ATP8A2: variants seen among roughly 807,000 people sequenced by gnomAD.
ATP8A2 encodes the protein phospholipid-transporting ATPase IB.
Under a neutral mutation model 165.6 loss-of-function variants are expected in ATP8A2, and 100 were observed. That is an observed-to-expected ratio of 0.60 (90% CI 0.51 to 0.71). The LOEUF (loss-of-function observed/expected upper bound fraction) is 0.71, where lower values mean the gene tolerates loss of function less well. ATP8A2 is among the 30% of genes least tolerant of loss of function. The pLI is 0.00. For synonymous variants in ATP8A2, 543 were observed against 548.8 expected (o/e 0.99, Z 0.15); for missense variants, 1,227 against 1,479.5 (o/e 0.83, Z 2.80).
intron 1 of ATP8A2, among the ~76,000 whole-genome samples, chr13:25,413,190 A>G (rs1418905512): frequency 6.6e-6 from 1 of 152,034 alleles, no homozygotes; most frequent in East Asian, 1.9e-4. Context: ...TTGGTGCAGT[A>G]CTGCAATAGA....
At chr13:25,707,332 A>G (rs1212498528) in intron 25 of ATP8A2, among the ~76,000 whole-genome samples, 4 of 152,190 alleles carry the variant, frequency 2.6e-5, no homozygotes, top group Non-Finnish European at 4.4e-5. Flanking sequence ...ATTTATATGA[A>G]TTACTCTATA....
intron 1 of ATP8A2, among the ~76,000 whole-genome samples, chr13:25,451,296 G>A (rs998601026): frequency 7.9e-5 from 12 of 152,068 alleles, no homozygotes; most frequent in African/African-American, 2.4e-5. Flanking sequence ...CAGCAAGACT[G>A]CAAGGTTTTT....
At position 25,571,705 on chromosome 13, in the gene ATP8A2, C is replaced by T. The variant is rs199833574; in HGVS notation, c.1662+13C>T. The T allele has an allele frequency of 2.2e-4, 358 of 1,607,028 alleles. 1 individual carries two copies. The highest frequency in any genetic ancestry group is 2.8e-4 in the Non-Finnish European group (331 of 1,173,692). On this transcript the variant is annotated intron_variant, in intron 18 of 36. Coordinates refer to ENST00000381655, the MANE Select transcript of ATP8A2 (RefSeq NM_016529.6). Reference sequence around the variant, plus strand: ...CATCATAGAAGCGGTGAGTAACATGCGTGTGCACATTTCAGATCACCTGCT... The same window carrying T: ...CATCATAGAAGCGGTGAGTAACATGTGTGTGCACATTTCAGATCACCTGCT...
rs1327036948 is a variant in ATP8A2 at position 25,989,810 on chromosome 13, A to C, written c.3377+21131A>C. Among the ~76,000 whole-genome samples the C allele has an allele frequency of 2.6e-5, 4 of 151,966 alleles. No individual in the cohort carries two copies. In the East Asian group the frequency reaches 7.7e-4, roughly 29 times the overall value. ...TTCCTTCAACGTGGCCATTGTTCTC[A>C]TGCTTCCCGGAAGGGTGAACTTTGG... is the stretch of plus-strand genomic sequence containing the variant. On this transcript the variant is annotated intron_variant, in intron 35 of 36. Coordinates refer to ENST00000381655, the MANE Select transcript of ATP8A2 (RefSeq NM_016529.6).
At chr13:25,421,945 AT>A (rs2034312664) in intron 1 of ATP8A2, among the ~76,000 whole-genome samples, 1 of 152,036 alleles carries the variant, frequency 6.6e-6, no homozygotes, top group South Asian at 2.1e-4. Context: ...ATTCATCAGC[AT>A]TTTTCCATAT....
chr13:25,579,655 C>A (rs1037277406), intron 21 of ATP8A2, among the ~76,000 whole-genome samples, 153 bp from the exon 22 acceptor site: 2 of 152,096 alleles, frequency 1.3e-5, no homozygotes, highest in Non-Finnish European at 2.9e-5. Context: ...TTTTAAAGGT[C>A]CCTTGGTAGA....
In ATP8A2 at chr13:26,024,781, T is replaced by C. The variant is rs895983476; in HGVS notation, c.*4796T>C. On this transcript the variant is annotated 3_prime_UTR_variant, in exon 37 of 37. Transcript: ENST00000381655. ...CTCAAGATTAGCCCATAGGCAGTTCTTGTGACCTGGCTGAAGAAAGAAAGG... is the reference window on the plus strand; with the variant it reads ...CTCAAGATTAGCCCATAGGCAGTTCCTGTGACCTGGCTGAAGAAAGAAAGG... The C allele has an allele frequency of 6.6e-6, 1 of 152,210 alleles. No individual in the cohort carries two copies. The highest frequency in any genetic ancestry group is 2.4e-5 in the African/African-American group (1 of 41,458). The allele number at this position is 152,210 out of a possible 1,614,324, so 9.4% of individuals were successfully genotyped here.
At chr13:25,562,851 G>A (rs955872068) in intron 15 of ATP8A2, among the ~76,000 whole-genome samples, 1 of 152,156 alleles carries the variant, frequency 6.6e-6, no homozygotes. Context: ...CGCATGGGAT[G>A]TGAGGATTCT....
intron 24 of ATP8A2, among the ~76,000 whole-genome samples, chr13:25,601,776 G>A (rs1422863806): frequency 6.6e-6 from 1 of 152,104 alleles, no homozygotes; most frequent in Non-Finnish European, 1.5e-5. Context: ...GGCCAGAAAT[G>A]CTTGTATTGT....
intron 2 of ATP8A2, among the ~76,000 whole-genome samples, chr13:25,520,866 G>A (rs1264760397): frequency 7.9e-5 from 12 of 152,002 alleles, no homozygotes; most frequent in Non-Finnish European, 1.6e-4. Context: ...TGCCCGCCTT[G>A]GCCTCCCAAA....
At chr13:25,609,429 C>T (rs373586193) in intron 24 of ATP8A2, among the ~76,000 whole-genome samples, 3 of 149,988 alleles carry the variant, frequency 2.0e-5, no homozygotes, top group East Asian at 1.9e-4. Flanking sequence ...GGCCTCATTA[C>T]GTACAATTTC....
At chr13:25,731,627 C>A (rs2043647921) in intron 25 of ATP8A2, among the ~76,000 whole-genome samples, 1 of 152,156 alleles carries the variant, frequency 6.6e-6, no homozygotes, top group Admixed American at 6.5e-5. Flanking sequence ...TTAGGCCTCA[C>A]CCCATTGGTA....
At chr13:25,579,249 A>G (rs1439492833) in intron 21 of ATP8A2, among the ~76,000 whole-genome samples, 1 of 152,250 alleles carries the variant, frequency 6.6e-6, no homozygotes, top group Non-Finnish European at 1.5e-5. Context: ...TGGAACCCAT[A>G]GTGAGCAGGA....
intron 23 of ATP8A2, among the ~76,000 whole-genome samples, chr13:25,582,967 A>G (rs1479711713): frequency 6.6e-6 from 1 of 152,244 alleles, no homozygotes. Context: ...AGTTAAGCTC[A>G]CAAGAGAGTA....
chr13:25,767,172 C>CA (rs1269542682), intron 25 of ATP8A2, among the ~76,000 whole-genome samples: 1 of 152,188 alleles, frequency 6.6e-6, no homozygotes, highest in African/African-American at 2.4e-5. Flanking sequence ...CTGCCTCTGC[C>CA]AAAAAGATCA....
chr13:25,564,077 C>A lies in ATP8A2; in HGVS notation c.1473+46C>A, dbSNP rs371856004. 3.5e-5 allele frequency: 49 copies of A among 1,401,968 alleles called. No homozygotes were observed. The African/African-American group carries it at 5.0e-4, about 14-fold the overall frequency. 86.8% of individuals were successfully genotyped at this position (1,401,968 alleles called of 1,614,324 possible). A position where few individuals can be genotyped will look rare whatever the true frequency, so the allele number is the denominator to read the frequency against. On this transcript the variant is annotated intron_variant, in intron 16 of 36. Transcript: ENST00000381655. ...CGAAGACAGCAAACAGCTTACGGTGCAACTTTCTTTTATATATGCATGTAG... is the reference window on the plus strand; with the variant it reads ...CGAAGACAGCAAACAGCTTACGGTGAAACTTTCTTTTATATATGCATGTAG...
At chr13:25,862,484 A>G in intron 33 of ATP8A2, 76 bp downstream of exon 33, 1 of 1,124,160 alleles carries the variant, frequency 8.9e-7, no homozygotes. Flanking sequence ...GTGAGCAGGC[A>G]CTGTGTGTCT....
chr13:25,579,764 T>C, intron 21 of ATP8A2, 44 bp from the exon 22 acceptor site: 1 of 1,605,338 alleles, frequency 6.2e-7, no homozygotes, highest in African/African-American at 1.3e-5. Flanking sequence ...CCCTAGGAGG[T>C]CACGCGTTCT....
intron 1 of ATP8A2, among the ~76,000 whole-genome samples, chr13:25,438,545 G>A (rs2034842577): frequency 6.6e-6 from 1 of 152,102 alleles, no homozygotes; most frequent in African/African-American, 2.4e-5. Flanking sequence ...GGAGGCTGAG[G>A]TGGGCGGTTC....
Sources: allele counts gnomAD v4.1 joint callset (sites outside exome capture counted in the v4.1 genomes callset), GRCh38; gene constraint gnomAD v4.1.1; transcripts MANE v1.5; gene names NCBI Gene and HGNC (gene_info 2026-07-23, HGNC 2026-07-21).